CYSLTR2: variants seen among roughly 807,000 people sequenced by gnomAD.
The protein encoded by CYSLTR2 is G-protein coupled receptor GPCR21.
For synonymous variants in CYSLTR2, 179 were observed against 160.8 expected (o/e 1.11, Z -0.86); for missense variants, 398 against 411.9 (o/e 0.97, Z 0.29).
intron 1 of CYSLTR2, among the ~76,000 whole-genome samples, chr13:48,680,540 T>C (rs556549238): frequency 1.3e-5 from 2 of 152,282 alleles, no homozygotes; most frequent in South Asian, 4.1e-4. Flanking sequence ...GTTGTTTAAT[T>C]ACCAGCAAAG....
At position 48,708,042 on chromosome 13, in the gene CYSLTR2, T is replaced by G. The variant is rs1954551814; in HGVS notation, c.*184T>G. On this transcript the variant is annotated 3_prime_UTR_variant, in exon 5 of 5. Coordinates refer to ENST00000682523, the MANE Select transcript of CYSLTR2 (RefSeq NM_001308476.3). ...ATTCAGTGTATTTTCAGTTGTTGAG[T>G]CTTAATGAGGGATACAGGAGGAAAA... 2.0e-6 allele frequency: 1 copy of G among 504,372 alleles called. No individual in the cohort carries two copies. Among genetic ancestry groups the G allele is most frequent in the Non-Finnish European group, 3.4e-6 (1 of 291,772 alleles). The allele number at this position is 504,372 out of a possible 1,614,324, so 31.2% of individuals were successfully genotyped here.
chr13:48,692,767 T>G (rs1459000457), intron 2 of CYSLTR2, among the ~76,000 whole-genome samples: 1 of 151,318 alleles, frequency 6.6e-6, no homozygotes, highest in African/African-American at 2.4e-5. Context: ...TACTTAGATA[T>G]TTTTTGGTCT....
intron 1 of CYSLTR2, among the ~76,000 whole-genome samples, chr13:48,680,879 T>G (rs1352089483): frequency 6.8e-6 from 1 of 147,830 alleles, no homozygotes; most frequent in Non-Finnish European, 1.5e-5. Context: ...TTGGCAGGAA[T>G]GCACAATCAA....
chr13:48,663,918 A>G (rs913499908), intron 1 of CYSLTR2, among the ~76,000 whole-genome samples: 5 of 152,040 alleles, frequency 3.3e-5, no homozygotes, highest in African/African-American at 1.2e-4. Flanking sequence ...TCTTGGAAGA[A>G]AAACTTCCAA....
chr13:48,674,891 G>T (rs1224398691), intron 1 of CYSLTR2, among the ~76,000 whole-genome samples: 1 of 152,190 alleles, frequency 6.6e-6, no homozygotes, highest in Non-Finnish European at 1.5e-5. Context: ...GTCTTCTGCA[G>T]GTGTGCTGGA....
intron 1 of CYSLTR2, among the ~76,000 whole-genome samples, chr13:48,676,205 G>A (rs1593964640): frequency 3.3e-5 from 5 of 152,260 alleles, no homozygotes; most frequent in Admixed American, 3.3e-4. Context: ...CAGAACCCAG[G>A]TCTCTGTGCT....
intron 4 of CYSLTR2, among the ~76,000 whole-genome samples, chr13:48,699,403 C>T (rs1422296152): frequency 6.6e-6 from 1 of 152,242 alleles, no homozygotes; most frequent in Non-Finnish European, 1.5e-5. Flanking sequence ...ACTGAACAAT[C>T]TGTTCCTGAA....
chr13:48,667,621 G>T (rs1233935021), intron 1 of CYSLTR2, among the ~76,000 whole-genome samples: 7 of 152,150 alleles, frequency 4.6e-5, no homozygotes, highest in African/African-American at 1.7e-4. Context: ...GCCTAAGACT[G>T]GTTTGCTGGG....
chr13:48,698,627 A>C (rs1054372876), intron 4 of CYSLTR2, among the ~76,000 whole-genome samples: 37 of 152,338 alleles, frequency 2.4e-4, no homozygotes, highest in African/African-American at 8.4e-4. Flanking sequence ...CAAGCAAAAT[A>C]ACCAGCTAAC....
chr13:48,673,658 T>C (rs1335676776), intron 1 of CYSLTR2, among the ~76,000 whole-genome samples: 1 of 152,172 alleles, frequency 6.6e-6, no homozygotes, highest in Non-Finnish European at 1.5e-5. Context: ...AATTTGATCC[T>C]GTTATTATGA....
At chr13:48,689,541 T>C (rs1247950580) in intron 1 of CYSLTR2, among the ~76,000 whole-genome samples, 1 of 152,164 alleles carries the variant, frequency 6.6e-6, no homozygotes, top group East Asian at 1.9e-4. Flanking sequence ...TTTTGTCAAG[T>C]TGTCAAAGAT....
chr13:48,688,504 G>C (rs753063918), intron 1 of CYSLTR2, among the ~76,000 whole-genome samples: 1 of 152,142 alleles, frequency 6.6e-6, no homozygotes, highest in East Asian at 1.9e-4. Flanking sequence ...GAGAAGATGT[G>C]GTGTTTGCTT....
At chr13:48,680,756 T>G (rs11843756) in intron 1 of CYSLTR2, among the ~76,000 whole-genome samples, 17,685 of 151,196 alleles carry the variant, frequency 0.12, 2,299 homozygotes, top group African/African-American at 0.32. Flanking sequence ...TATAGTCACA[T>G]CTAGCAGACG....
In CYSLTR2 at chr13:48,702,667, C is replaced by T. The variant is rs60796168; in HGVS notation, c.-1-4150C>T. The stretch of plus-strand genomic sequence containing the variant: ...GTTGATCTATCTGTTTGTCCTTCAG[C>T]CAATACCATACATTCTTAATTACTT... On this transcript the variant is annotated intron_variant, in intron 4 of 4. Coordinates refer to ENST00000682523, the MANE Select transcript of CYSLTR2 (RefSeq NM_001308476.3). 5.2e-3 allele frequency among the ~76,000 whole-genome samples: 791 copies of T among 152,224 alleles called. 7 individuals are homozygous for T. The highest frequency in any genetic ancestry group is 0.018 in the African/African-American group (742 of 41,538).
At chr13:48,656,967 G>T (rs1953013185) in intron 1 of CYSLTR2, among the ~76,000 whole-genome samples, 1 of 152,164 alleles carries the variant, frequency 6.6e-6, no homozygotes, top group African/African-American at 2.4e-5. Flanking sequence ...ATTTCTCAGG[G>T]TATTGGCCAC....
Position 48,691,275 on chromosome 13 carries a change from C to G in CYSLTR2, c.-202C>G, listed in dbSNP as rs2138940637. On this transcript the variant is annotated 5_prime_UTR_variant, in exon 2 of 5. Transcript: ENST00000682523. Reference sequence around the variant, plus strand: ...CAAGGGAGTCTATAGAAGGTCCATGCAAGGTATGGAGAGTTCCTCAACAGA... The same window carrying G: ...CAAGGGAGTCTATAGAAGGTCCATGGAAGGTATGGAGAGTTCCTCAACAGA... 6.6e-6 allele frequency: 1 copy of G among 152,114 alleles called. No homozygotes were observed. Among genetic ancestry groups the G allele is most frequent in the South Asian group, 2.1e-4 (1 of 4,820 alleles). 9.4% of individuals were successfully genotyped at this position (152,114 alleles called of 1,614,324 possible). A position where few individuals can be genotyped will look rare whatever the true frequency, so the allele number is the denominator to read the frequency against.
At chr13:48,667,965 A>G (rs2138838053) in intron 1 of CYSLTR2, among the ~76,000 whole-genome samples, 1 of 152,326 alleles carries the variant, frequency 6.6e-6, no homozygotes, top group East Asian at 1.9e-4. Flanking sequence ...TGCCTAGACC[A>G]TCAAATCCTA....
chr13:48,702,803 G>C (rs1954384816), intron 4 of CYSLTR2, among the ~76,000 whole-genome samples: 1 of 152,042 alleles, frequency 6.6e-6, no homozygotes, highest in African/African-American at 2.4e-5. Flanking sequence ...TTAAGATTTA[G>C]AATAATCCTA....
At chr13:48,700,257 G>A (rs1485627944) in intron 4 of CYSLTR2, among the ~76,000 whole-genome samples, 2 of 152,198 alleles carry the variant, frequency 1.3e-5, no homozygotes, top group African/African-American at 2.4e-5. Context: ...GAACATTGAT[G>A]CAAAAATCCT....
Sources: gnomAD v4.1 joint callset for allele counts (sites outside exome capture counted in the v4.1 genomes callset) on GRCh38, gnomAD v4.1.1 for gene constraint, MANE v1.5 for transcripts, NCBI Gene and HGNC (gene_info 2026-07-23, HGNC 2026-07-21) for gene names.